The following GRXCR2 variants were observed in gnomAD, a reference collection of about 807,000 sequenced individuals.
GRXCR2 encodes glutaredoxin domain-containing cysteine-rich protein 2.
Under a neutral mutation model 24.8 loss-of-function variants are expected in GRXCR2, and 23 were observed. That is an observed-to-expected ratio of 0.93 (90% CI 0.67 to 1.32). GRXCR2 has a LOEUF of 1.32. GRXCR2 is among the 40% of genes most tolerant of loss of function. The probability of loss-of-function intolerance (pLI) is 0.00; values close to 1 mark genes in which losing one functional copy is unlikely to be tolerated. For synonymous variants in GRXCR2, 130 were observed against 116.1 expected (o/e 1.12, Z -0.77); for missense variants, 315 against 303.4 (o/e 1.04, Z -0.28).
chr5:145,864,508 G>A (rs1025990185), intron 2 of GRXCR2, among the ~76,000 whole-genome samples: 3 of 152,128 alleles, frequency 2.0e-5, no homozygotes, highest in Non-Finnish European at 4.4e-5. Context: ...GTGTCAAGGG[G>A]GGAACCTGGT....
At chr5:145,869,707 G>A (rs549981738) in intron 1 of GRXCR2, among the ~76,000 whole-genome samples, 9 of 151,964 alleles carry the variant, frequency 5.9e-5, no homozygotes, top group East Asian at 3.9e-4. Flanking sequence ...ACAGGCGCCC[G>A]CCACCACACC....
chr5:145,909,319 G>T (rs1430940952), intron 2 of GRXCR2, among the ~76,000 whole-genome samples: 1 of 129,742 alleles, frequency 7.7e-6, no homozygotes, highest in African/African-American at 3.2e-5. Flanking sequence ...CTAGTAAATA[G>T]TAAAGAATGT....
intron 2 of GRXCR2, among the ~76,000 whole-genome samples, chr5:145,927,942 A>T (rs1472684138): frequency 6.6e-6 from 1 of 152,216 alleles, no homozygotes; most frequent in Non-Finnish European, 1.5e-5. Context: ...CAGCAAAAGA[A>T]ACTACCATCA....
intron 2 of GRXCR2, among the ~76,000 whole-genome samples, chr5:145,896,425 A>C (rs541530929): frequency 1.1e-3 from 171 of 152,072 alleles, no homozygotes; most frequent in African/African-American, 3.2e-3. Flanking sequence ...TGAACTCAAA[A>C]AAATGTACAA....
intron 2 of GRXCR2, among the ~76,000 whole-genome samples, chr5:145,902,540 T>C (rs936733000): frequency 6.6e-6 from 1 of 152,176 alleles, no homozygotes; most frequent in Non-Finnish European, 1.5e-5. Flanking sequence ...TTCACCTGTC[T>C]CTCTCCTCTG....
chr5:145,867,373 T>C (rs905063628), intron 1 of GRXCR2, among the ~76,000 whole-genome samples: 1 of 152,140 alleles, frequency 6.6e-6, no homozygotes, highest in Non-Finnish European at 1.5e-5. Flanking sequence ...TTTTACCACC[T>C]ATATCACACT....
chr5:145,859,565 T>G lies in GRXCR2; in HGVS notation c.*168A>C. ...GCCACTTAGACCCACAGAGAGATGT[T>G]ACCGGCCTCACAAAATGTCATCAGA... On this transcript the variant is annotated 3_prime_UTR_variant, in exon 3 of 3. Transcript: ENST00000377976. 1.6e-6 allele frequency: 1 copy of G among 632,896 alleles called. No individual in the cohort carries two copies. The highest frequency in any genetic ancestry group is 1.9e-5 in the South Asian group (1 of 51,730). The allele number at this position is 632,896 out of a possible 1,614,324, so 39.2% of individuals were successfully genotyped here.
At chr5:145,860,412 G>A (rs1756315625) in intron 2 of GRXCR2, among the ~76,000 whole-genome samples, 1 of 152,066 alleles carries the variant, frequency 6.6e-6, no homozygotes, top group Admixed American at 6.6e-5. Flanking sequence ...GAAGTTGTTT[G>A]CCAATGGTCA....
At chr5:145,892,570 G>A (rs1173900515) in intron 2 of GRXCR2, among the ~76,000 whole-genome samples, 1 of 152,146 alleles carries the variant, frequency 6.6e-6, no homozygotes, top group East Asian at 1.9e-4. Context: ...AGCGAGAAGA[G>A]AAGTTTAGAG....
At chr5:145,873,994 T>A (rs189490692), upstream of GRXCR2, among the ~76,000 whole-genome samples, 33 of 151,958 alleles carry the variant, frequency 2.2e-4, no homozygotes, top group East Asian at 5.6e-3. Flanking sequence ...AAGGAAGTGG[T>A]CTCTAAGGAG....
At chr5:145,860,022 G>A (rs974761672) in intron 2 of GRXCR2, 107 bp from the exon 3 acceptor site, 3 of 857,748 alleles carry the variant, frequency 3.5e-6, no homozygotes, top group African/African-American at 3.5e-5. Context: ...CAGAATAGAG[G>A]AAAATGCTTC....
chr5:145,926,978 CT>C, intron 2 of GRXCR2, among the ~76,000 whole-genome samples: 1 of 152,174 alleles, frequency 6.6e-6, no homozygotes, highest in South Asian at 2.1e-4. Flanking sequence ...GTATTTTATT[CT>C]CTTTGAAGCA....
intron 2 of GRXCR2, among the ~76,000 whole-genome samples, chr5:145,886,385 G>C (rs1234237463): frequency 6.6e-6 from 1 of 152,214 alleles, no homozygotes; most frequent in Non-Finnish European, 1.5e-5. Flanking sequence ...CCCCACGTCA[G>C]AATGTAAAGG....
intron 2 of GRXCR2, among the ~76,000 whole-genome samples, chr5:145,916,756 C>T: frequency 6.6e-6 from 1 of 152,064 alleles, no homozygotes; most frequent in East Asian, 1.9e-4. Context: ...TCACTGAACC[C>T]TCAAAACCTT....
chr5:145,924,266 T>C (rs185973338), intron 2 of GRXCR2, among the ~76,000 whole-genome samples: 1 of 152,304 alleles, frequency 6.6e-6, no homozygotes, highest in Admixed American at 6.5e-5. Flanking sequence ...TAATTAATCA[T>C]AATAAATTGA....
Position 145,918,255 on chromosome 5 carries a change from T to A in GRXCR2, c.-70+17446A>T, listed in dbSNP as rs142475961. ...TTACAAAACATTTTCATGTTTATGA[T>A]CTGGTAGTAGGGCAGGCAATTTCAT... On this transcript the variant is annotated intron_variant, in intron 2 of 3. Transcript: ENST00000639411. 3.0e-3 allele frequency among the ~76,000 whole-genome samples: 462 copies of A among 152,270 alleles called. 1 individual carries two copies. The highest frequency in any genetic ancestry group is 0.011 in the African/African-American group (442 of 41,560).
chr5:145,915,873 A>G (rs929606041), intron 2 of GRXCR2, among the ~76,000 whole-genome samples: 1 of 152,194 alleles, frequency 6.6e-6, no homozygotes, highest in Non-Finnish European at 1.5e-5. Context: ...ATGGGTACCA[A>G]ATGAGATAAC....
chr5:145,861,333 G>A (rs1756334500), intron 2 of GRXCR2, among the ~76,000 whole-genome samples: 1 of 152,160 alleles, frequency 6.6e-6, no homozygotes, highest in South Asian at 2.1e-4. Flanking sequence ...ATAAAACCCA[G>A]TCTCCTTAGC....
chr5:145,887,914 C>T (rs1756799648), intron 2 of GRXCR2, among the ~76,000 whole-genome samples: 1 of 152,248 alleles, frequency 6.6e-6, no homozygotes, highest in East Asian at 1.9e-4. Flanking sequence ...AGGGAAATCA[C>T]ATCCAAGCAT....
Sources: allele counts gnomAD v4.1 joint callset (sites outside exome capture counted in the v4.1 genomes callset), GRCh38; gene constraint gnomAD v4.1.1; transcripts MANE v1.5; gene names NCBI Gene and HGNC (gene_info 2026-07-23, HGNC 2026-07-21).